Variants in NPHP4 observed in about 807,000 individuals in gnomAD.
The protein encoded by NPHP4 is nephrocystin 4.
A neutral mutation model predicts 155.8 loss-of-function variants in NPHP4; 151 were observed. That is an observed-to-expected ratio of 0.97 (90% CI 0.85 to 1.11). NPHP4 has a LOEUF of 1.11. Among genes scored for constraint, NPHP4 ranks in the 50% least tolerant of loss-of-function variants. The pLI is 0.00. For missense variants in NPHP4, 1,956 were observed against 1,925.7 expected (o/e 1.02, Z -0.29); for synonymous variants, 845 against 816.8 (o/e 1.03, Z -0.59).
chr1:5,875,895 T>G (rs978077680), intron 20 of NPHP4: 3 of 152,280 alleles, frequency 2.0e-5, no homozygotes, highest in Non-Finnish European at 4.4e-5. Flanking sequence ...CTTTCAGGAT[T>G]TAACTCAAAA....
intron 3 of NPHP4, among the ~76,000 whole-genome samples, chr1:5,975,668 G>A (rs12084871): frequency 0.021 from 3,180 of 152,282 alleles, 92 homozygotes; most frequent in African/African-American, 0.07. Context: ...TCCAGACTCC[G>A]AAAAGCCACC....
chr1:5,917,871 G>A (rs1054502113), intron 11 of NPHP4, among the ~76,000 whole-genome samples: 1 of 152,126 alleles, frequency 6.6e-6, no homozygotes, highest in Non-Finnish European at 1.5e-5. Context: ...CCATTTCTGG[G>A]CCAGAGCCGT....
chr1:5,974,957 G>C (rs1653272048), intron 3 of NPHP4, among the ~76,000 whole-genome samples: 1 of 152,180 alleles, frequency 6.6e-6, no homozygotes, highest in Non-Finnish European at 1.5e-5. Flanking sequence ...GATAGGCAAA[G>C]ACCAGAAAAA....
In NPHP4 at chr1:5,890,413, T is replaced by C. The variant is rs1181073009; in HGVS notation, c.2304+455A>G. Among the ~76,000 whole-genome samples, 2 of 151,994 alleles carry C rather than the reference T, an allele frequency of 1.3e-5. No homozygotes were observed. Among genetic ancestry groups the C allele is most frequent in the African/African-American group, 2.4e-5 (1 of 41,356 alleles). On this transcript the variant is annotated intron_variant, in intron 17 of 29. Transcript: ENST00000378156. The surrounding 1 kb of genome is among the most constrained non-coding windows in gnomAD (Gnocchi z 4.9). ...TACAAGGAGAATGGAAAAGGACAAT[T>C]AGTAAAAGAGATTCTAATTTTCACC...
chr1:5,991,059 G>A (rs570345513), intron 1 of NPHP4, among the ~76,000 whole-genome samples: 1 of 152,302 alleles, frequency 6.6e-6, no homozygotes, highest in South Asian at 2.1e-4. Flanking sequence ...CAGGGCTGAA[G>A]GAAGATGCAG....
chr1:5,902,043 G>A (rs1197551015), intron 16 of NPHP4, among the ~76,000 whole-genome samples: 2 of 152,218 alleles, frequency 1.3e-5, no homozygotes, highest in Non-Finnish European at 2.9e-5. Flanking sequence ...AAATGCTGTA[G>A]GAGCACAGCC....
chr1:5,975,652 A>G (rs1653420074), intron 3 of NPHP4, among the ~76,000 whole-genome samples: 2 of 152,216 alleles, frequency 1.3e-5, no homozygotes, highest in African/African-American at 4.8e-5. Flanking sequence ...CCACCAGCAC[A>G]GGTATTCCAG....
rs111541520 is a variant in NPHP4 at position 5,912,165 on chromosome 1, T to A, written c.1442-2952A>T. Among the ~76,000 whole-genome samples the A allele has an allele frequency of 3.2e-3, 495 of 152,310 alleles. 2 individuals carry two copies. The highest frequency in any genetic ancestry group is 0.011 in the African/African-American group (465 of 41,554). On this transcript the variant is annotated intron_variant, in intron 11 of 29. Transcript: ENST00000378156. ...TACCTCAGCAGAACCCGGCAGATCC[T>A]GCGTGGGGCAGGGGAGCAATGGGAT...
intron 1 of NPHP4, among the ~76,000 whole-genome samples, chr1:5,988,465 G>C (rs1172019481): frequency 6.6e-6 from 1 of 152,288 alleles, no homozygotes; most frequent in African/African-American, 2.4e-5. Context: ...GGATAATATA[G>C]TTGGTTTTTG....
At chr1:5,866,527 T>C in intron 25 of NPHP4, 69 bp from the exon 26 acceptor site, 1 of 884,172 alleles carries the variant, frequency 1.1e-6, no homozygotes, top group East Asian at 2.6e-5. Flanking sequence ...CCCCTAAATC[T>C]GTGACTAATA....
intron 19 of NPHP4, chr1:5,879,406 C>T: frequency 4.9e-6 from 2 of 409,210 alleles, no homozygotes; most frequent in Middle Eastern, 3.7e-4. Context: ...TTCACCAAAC[C>T]CAGGTCTTCC....
intron 11 of NPHP4, among the ~76,000 whole-genome samples, chr1:5,911,958 A>G (rs115413544): frequency 0.011 from 1,600 of 152,284 alleles, 21 homozygotes; most frequent in African/African-American, 0.036. Flanking sequence ...CTTCCGCCAC[A>G]TAACAGGACT....
At chr1:5,961,686 G>C in intron 6 of NPHP4, 108 bp downstream of exon 6, 3 of 1,021,836 alleles carry the variant, frequency 2.9e-6, no homozygotes, top group Non-Finnish European at 4.4e-6. Flanking sequence ...AGCTGCAGAG[G>C]GGCGCTCGGC....
chr1:5,910,070 G>A lies in NPHP4; in HGVS notation c.1442-857C>T, dbSNP rs751845748. On this transcript the variant is annotated intron_variant, in intron 11 of 29. Transcript: ENST00000378156. This position sits in a 1 kb window ranked among gnomAD's most constrained non-coding sequence, Gnocchi z 5.4. ...ACCAGGCTCCTGCCACAGCGGTGCT[G>A]GAGCGTCCATAGCCACTCGTCTCTT... Among the ~76,000 whole-genome samples, 15 of 152,200 alleles carry A rather than the reference G, an allele frequency of 9.9e-5. No individual in the cohort carries two copies. Among genetic ancestry groups the A allele is most frequent in the Non-Finnish European group, 1.9e-4 (13 of 68,040 alleles).
At chr1:5,923,303 C>T (rs1400190559) in intron 11 of NPHP4, among the ~76,000 whole-genome samples, 1 of 152,126 alleles carries the variant, frequency 6.6e-6, no homozygotes, top group African/African-American at 2.4e-5. Context: ...CTTTTAAACA[C>T]AAAATATGTA....
At chr1:5,870,660 T>C (rs1488281600) in intron 23 of NPHP4, among the ~76,000 whole-genome samples, 2 of 152,232 alleles carry the variant, frequency 1.3e-5, no homozygotes, top group Admixed American at 6.5e-5. Context: ...AGATGTCATC[T>C]TAACTGAATG....
At chr1:5,908,242 A>T (rs1327188206) in intron 12 of NPHP4, among the ~76,000 whole-genome samples, 1 of 152,224 alleles carries the variant, frequency 6.6e-6, no homozygotes, top group Non-Finnish European at 1.5e-5. Context: ...TCACGTGGAA[A>T]CTGCTCCAGG....
At chr1:5,938,427 C>T (rs983248218) in intron 9 of NPHP4, among the ~76,000 whole-genome samples, 3 of 152,146 alleles carry the variant, frequency 2.0e-5, no homozygotes, top group Non-Finnish European at 4.4e-5. Flanking sequence ...CCAGCAACAG[C>T]GGAGGTTCAC....
chr1:5,914,366 G>A (rs910726488), intron 11 of NPHP4, among the ~76,000 whole-genome samples: 1 of 151,398 alleles, frequency 6.6e-6, no homozygotes, highest in African/African-American at 2.4e-5. Flanking sequence ...CCTGGAAGGT[G>A]GAAGCCACAG....
Sources: gnomAD v4.1 joint callset for allele counts (sites outside exome capture counted in the v4.1 genomes callset) on GRCh38, gnomAD v4.1.1 for gene constraint, Gnocchi (gnomAD v3.1) non-coding constraint, MANE v1.5 for transcripts, NCBI Gene and HGNC (gene_info 2026-07-23, HGNC 2026-07-21) for gene names.